Variants in HDAC9 observed in about 807,000 individuals in gnomAD.
HDAC9 encodes the protein histone deacetylase 9.
In HDAC9, 41 loss-of-function variants were observed where a neutral mutation model predicts 139.4. The observed-to-expected ratio is 0.29, with a 90% CI of 0.23 to 0.38. HDAC9 has a LOEUF of 0.38. Ranked by LOEUF, HDAC9 falls within the 10% of genes least tolerant of loss-of-function variation. The pLI, the probability that HDAC9 is intolerant of heterozygous loss-of-function variation, is 1.00. For missense variants in HDAC9, 1,147 were observed against 1,297.0 expected, an observed-to-expected ratio of 0.88 and a Z score of 1.78; for synonymous variants, 517 against 476.2, an observed-to-expected ratio of 1.09 and a Z score of -1.12.
chr7:18,474,158 T>C (rs1257291167), intron 1 of HDAC9, among the ~76,000 whole-genome samples: 1 of 152,244 alleles, frequency 6.6e-6, no homozygotes, highest in South Asian at 2.1e-4. Context: ...CATACATATA[T>C]GCATTTTATG....
intron 16 of HDAC9, among the ~76,000 whole-genome samples, chr7:18,785,600 T>C (rs1791646351): frequency 6.6e-6 from 1 of 152,176 alleles, no homozygotes; most frequent in Non-Finnish European, 1.5e-5. Context: ...TTTAACAGGG[T>C]AGGGTTTCAA....
At chr7:18,961,436 A>G (rs887116354) in intron 24 of HDAC9, among the ~76,000 whole-genome samples, 2 of 152,170 alleles carry the variant, frequency 1.3e-5, no homozygotes, top group African/African-American at 4.8e-5. Flanking sequence ...AGCTCCCACG[A>G]TAGGAAATTG....
At chr7:18,794,108 T>G (rs1344536363) in intron 17 of HDAC9, among the ~76,000 whole-genome samples, 3 of 152,220 alleles carry the variant, frequency 2.0e-5, no homozygotes, top group Non-Finnish European at 4.4e-5. Context: ...TTATTTGGTA[T>G]TTTAACAGTG....
chr7:18,590,670 C>T (rs12669760), intron 4 of HDAC9, among the ~76,000 whole-genome samples, 184 bp downstream of exon 4: 12 of 152,110 alleles, frequency 7.9e-5, no homozygotes, highest in African/African-American at 1.2e-4. Flanking sequence ...ATCATTGAGT[C>T]TGCAGAGCGT....
At chr7:18,861,036 G>C (rs1798065783) in intron 21 of HDAC9, among the ~76,000 whole-genome samples, 1 of 152,116 alleles carries the variant, frequency 6.6e-6, no homozygotes, top group South Asian at 2.1e-4. Flanking sequence ...TAATGCTTAT[G>C]AAACCAAATA....
At chr7:18,433,005 C>G (rs1177207629) in intron 1 of HDAC9, among the ~76,000 whole-genome samples, 1 of 151,214 alleles carries the variant, frequency 6.6e-6, no homozygotes, top group Non-Finnish European at 1.5e-5. Context: ...ACAGGAGGAT[C>G]ATAGTCTATG....
At chr7:18,193,396 C>T (rs1790495075) in intron 2 of HDAC9, among the ~76,000 whole-genome samples, 1 of 152,216 alleles carries the variant, frequency 6.6e-6, no homozygotes, top group African/African-American at 2.4e-5. Flanking sequence ...TAGCCACTTA[C>T]TTCCTTCTTT....
At chr7:18,140,787 TTC>T (rs922677506) in intron 1 of HDAC9, among the ~76,000 whole-genome samples, 1 of 152,064 alleles carries the variant, frequency 6.6e-6, no homozygotes, top group Non-Finnish European at 1.5e-5. Flanking sequence ...TATATATATA[TTC>T]TGTTTTTTAT....
intron 1 of HDAC9, among the ~76,000 whole-genome samples, chr7:18,350,616 C>G (rs1175082296): frequency 6.6e-6 from 1 of 152,098 alleles, no homozygotes; most frequent in Non-Finnish European, 1.5e-5. Context: ...TACATTTGTT[C>G]TATGACGGGG....
At chr7:18,218,314 C>T (rs1792453112) in intron 2 of HDAC9, among the ~76,000 whole-genome samples, 1 of 151,962 alleles carries the variant, frequency 6.6e-6, no homozygotes, top group Non-Finnish European at 1.5e-5. Context: ...CATGGTGGTA[C>T]ACGCCTGTAA....
chr7:18,484,964 T>C (rs1795866365), intron 1 of HDAC9, among the ~76,000 whole-genome samples: 2 of 152,066 alleles, frequency 1.3e-5, no homozygotes, highest in African/African-American at 2.4e-5. Flanking sequence ...GCAAGTACCA[T>C]TGAGAATTTC....
intron 16 of HDAC9, among the ~76,000 whole-genome samples, chr7:18,773,364 TACACACACACACACACACACACACAC>T (rs4043674): frequency 2.8e-5 from 4 of 142,730 alleles, no homozygotes; most frequent in African/African-American, 5.2e-5. Flanking sequence ...AAAAACTGTA[TACACACACACACACACACACACACAC>T]ACACACACAC....
intron 16 of HDAC9, among the ~76,000 whole-genome samples, chr7:18,780,479 C>T (rs1185001206): frequency 6.6e-6 from 1 of 151,900 alleles, no homozygotes; most frequent in East Asian, 1.9e-4. Context: ...AGATCCAGGG[C>T]ACTGGGGACA....
At chr7:18,468,575 G>A (rs1445341664) in intron 1 of HDAC9, among the ~76,000 whole-genome samples, 1 of 152,022 alleles carries the variant, frequency 6.6e-6, no homozygotes, top group South Asian at 2.1e-4. Flanking sequence ...CTCCCTAGTG[G>A]CTAGACTACA....
chr7:18,555,122 A>G (rs1176490959), intron 2 of HDAC9, among the ~76,000 whole-genome samples: 1 of 152,220 alleles, frequency 6.6e-6, no homozygotes, highest in Non-Finnish European at 1.5e-5. Flanking sequence ...CTCCTTTAAT[A>G]TAACTTTGCT....
chr7:18,728,519 C>G (rs1030777478), intron 13 of HDAC9, among the ~76,000 whole-genome samples: 9 of 152,020 alleles, frequency 5.9e-5, no homozygotes, highest in African/African-American at 1.9e-4. Context: ...TTTTTGTGTA[C>G]TCTACTCCAT....
intron 21 of HDAC9, among the ~76,000 whole-genome samples, chr7:18,847,002 A>C (rs956567876): frequency 6.6e-6 from 1 of 152,188 alleles, no homozygotes; most frequent in Non-Finnish European, 1.5e-5. Context: ...CCCGTTTCTC[A>C]GTGACTTTGA....
chr7:18,416,220 C>T (rs969581338), intron 1 of HDAC9, among the ~76,000 whole-genome samples: 6 of 151,742 alleles, frequency 4.0e-5, no homozygotes, highest in South Asian at 2.1e-4. Flanking sequence ...CGCTTGAACC[C>T]GGGAGGCAGA....
At position 18,880,847 on chromosome 7, in the gene HDAC9, G is replaced by C. The variant is rs956177223; in HGVS notation, c.2803+6251G>C. Among the ~76,000 whole-genome samples, 273 of 151,018 alleles carry C rather than the reference G, an allele frequency of 1.8e-3. 2 individuals carry two copies. Among genetic ancestry groups the C allele is most frequent in the African/African-American group, 3.2e-3 (130 of 41,114 alleles). ...AAAAGAATAGTTAATAGTTGCCGGG[G>C]GGGGGGGAACCAAATAACAAAGCTT... is the stretch of plus-strand genomic sequence containing the variant. On this transcript the variant is annotated intron_variant, in intron 22 of 25. Transcript: ENST00000686413.
Sources: allele counts gnomAD v4.1 joint callset (sites outside exome capture counted in the v4.1 genomes callset), GRCh38; gene constraint gnomAD v4.1.1; transcripts MANE v1.5; gene names NCBI Gene and HGNC (gene_info 2026-07-23, HGNC 2026-07-21).